Variants in RGS17 observed in about 807,000 individuals in gnomAD.
RGS17 encodes regulator of G-protein signaling 17.
RGS17 carries 12 observed loss-of-function variants against 25.5 expected under a neutral mutation model. The ratio of observed to expected loss-of-function variants is 0.47; its 90% CI spans 0.30 to 0.76. The LOEUF is 0.76. Among genes scored for constraint, RGS17 ranks in the 30% least tolerant of loss-of-function variants. RGS17 has a pLI of 0.07. For synonymous variants in RGS17, 71 were observed against 76.9 expected, an observed-to-expected ratio of 0.92 and a Z score of 0.40; for missense variants, 196 against 242.2, an observed-to-expected ratio of 0.81 and a Z score of 1.27.
chr6:153,074,128 T>C (rs1389712490), intron 1 of RGS17, among the ~76,000 whole-genome samples: 1 of 152,182 alleles, frequency 6.6e-6, no homozygotes, highest in Non-Finnish European at 1.5e-5. Context: ...TTTTCAGCGT[T>C]TAAAACATTC....
Position 153,010,902 on chromosome 6 carries a change from T to C in RGS17, c.*672A>G, listed in dbSNP as rs1779124794. The C allele has an allele frequency of 1.3e-5, 2 of 151,736 alleles. No homozygotes were observed. Among genetic ancestry groups the C allele is most frequent in the South Asian group, 4.2e-4 (2 of 4,806 alleles). The allele number at this position is 151,736 out of a possible 1,614,324, so 9.4% of individuals were successfully genotyped here. On this transcript the variant is annotated 3_prime_UTR_variant, in exon 5 of 5. Coordinates refer to ENST00000206262, the MANE Select transcript of RGS17 (RefSeq NM_012419.5). ...TCTTCCCTTTTTTTTTTTTTTTGTT[T>C]TTTGCTTTTAGCATAGTAAACTCTC... is the stretch of plus-strand genomic sequence containing the variant.
At position 153,011,429 on chromosome 6, in the gene RGS17, T is replaced by C. The variant is rs1779131547; in HGVS notation, c.*145A>G. 1.7e-6 allele frequency: 1 copy of C among 600,152 alleles called. No individual in the cohort carries two copies. The highest frequency in any genetic ancestry group is 2.9e-6 in the Non-Finnish European group (1 of 343,052). The allele number at this position is 600,152 out of a possible 1,614,324, so 37.2% of individuals were successfully genotyped here. A position where few individuals can be genotyped will look rare whatever the true frequency, so the allele number is the denominator to read the frequency against. On this transcript the variant is annotated 3_prime_UTR_variant, in exon 5 of 5. Coordinates refer to ENST00000206262, the MANE Select transcript of RGS17 (RefSeq NM_012419.5). Reference sequence around the variant, plus strand: ...TAACCATGGAAAACCTTGATAAAAATGGAGACAAAGACCATAACGGTTGTG... The same window carrying C: ...TAACCATGGAAAACCTTGATAAAAACGGAGACAAAGACCATAACGGTTGTG...
At chr6:153,103,628 G>A (rs1031259265) in intron 1 of RGS17, among the ~76,000 whole-genome samples, 14 of 152,322 alleles carry the variant, frequency 9.2e-5, no homozygotes, top group Admixed American at 5.2e-4. Flanking sequence ...GAGAGACCCC[G>A]AAAAACCAAA....
intron 1 of RGS17, among the ~76,000 whole-genome samples, chr6:153,120,568 C>T (rs930596938): frequency 2.6e-5 from 4 of 152,104 alleles, no homozygotes; most frequent in Non-Finnish European, 4.4e-5. Flanking sequence ...TTCCCTTGAC[C>T]GCCCCCCTGC....
At chr6:153,065,696 G>A (rs1033512491) in intron 1 of RGS17, among the ~76,000 whole-genome samples, 1 of 152,060 alleles carries the variant, frequency 6.6e-6, no homozygotes, top group Non-Finnish European at 1.5e-5. Context: ...GGTCAATGAA[G>A]AAATTAAGAA....
chr6:153,008,265 T>C lies in RGS17; in HGVS notation c.*3309A>G, dbSNP rs1353177248. ...CCTAGGCAGCATTAAAGGATACTAA[T>C]AAACATCCATGCACTAAGACGGCAT... On this transcript the variant is annotated 3_prime_UTR_variant, in exon 5 of 5. Coordinates refer to ENST00000206262, the MANE Select transcript of RGS17 (RefSeq NM_012419.5). The C allele has an allele frequency of 6.6e-6, 1 of 151,990 alleles. No individual in the cohort carries two copies. Among genetic ancestry groups the C allele is most frequent in the Non-Finnish European group, 1.5e-5 (1 of 68,006 alleles). The allele number at this position is 151,990 out of a possible 1,614,324, so 9.4% of individuals were successfully genotyped here. A position where few individuals can be genotyped will look rare whatever the true frequency, so the allele number is the denominator to read the frequency against.
chr6:153,016,522 CATT>C (rs1302484969), intron 4 of RGS17, among the ~76,000 whole-genome samples: 1 of 152,108 alleles, frequency 6.6e-6, no homozygotes, highest in Non-Finnish European at 1.5e-5. Context: ...TAGAAGGAAT[CATT>C]ATTATCTTAA....
At chr6:153,110,627 G>GA (rs570132982) in intron 1 of RGS17, among the ~76,000 whole-genome samples, 155 of 152,284 alleles carry the variant, frequency 1.0e-3, no homozygotes, top group African/African-American at 3.6e-3. Context: ...CTGCTATAAA[G>GA]AAATACCTGG....
intron 4 of RGS17, among the ~76,000 whole-genome samples, chr6:153,013,311 A>G (rs933998836): frequency 6.6e-6 from 1 of 152,248 alleles, no homozygotes; most frequent in Non-Finnish European, 1.5e-5. Context: ...AACCATGCCC[A>G]TATAAGACTT....
At chr6:153,052,420 T>G (rs1445474901) in intron 1 of RGS17, among the ~76,000 whole-genome samples, 4 of 152,126 alleles carry the variant, frequency 2.6e-5, no homozygotes, top group African/African-American at 9.7e-5. Flanking sequence ...GGGATATCTA[T>G]TCTACATCTG....
intron 1 of RGS17, among the ~76,000 whole-genome samples, chr6:153,100,263 AT>A (rs1336424724): frequency 1.3e-5 from 2 of 152,300 alleles, no homozygotes; most frequent in South Asian, 2.1e-4. Context: ...TACATCATAT[AT>A]TTTTTGTAAG....
intron 1 of RGS17, among the ~76,000 whole-genome samples, chr6:153,068,008 C>G (rs1373967753): frequency 1.3e-5 from 2 of 152,114 alleles, no homozygotes; most frequent in Non-Finnish European, 2.9e-5. Context: ...AATCAACACA[C>G]CTACAATGAA....
intron 1 of RGS17, among the ~76,000 whole-genome samples, chr6:153,106,520 T>C (rs567445341): frequency 1.4e-4 from 21 of 151,898 alleles, no homozygotes; most frequent in Non-Finnish European, 2.5e-4. Flanking sequence ...AGGACTTTTT[T>C]TTTTTCAGGA....
chr6:153,065,081 T>A (rs1776688588), intron 1 of RGS17, among the ~76,000 whole-genome samples: 1 of 151,984 alleles, frequency 6.6e-6, no homozygotes. Context: ...AAGACACACA[T>A]AGACTTAAAA....
At chr6:153,037,544 G>C (rs572753363) in intron 2 of RGS17, among the ~76,000 whole-genome samples, 1 of 151,162 alleles carries the variant, frequency 6.6e-6, no homozygotes, top group African/African-American at 2.4e-5. Context: ...TCCTGCCTCC[G>C]CCTCCTGAGT....
intron 1 of RGS17, among the ~76,000 whole-genome samples, chr6:153,072,879 A>G (rs560745785): frequency 6.6e-6 from 1 of 152,336 alleles, no homozygotes; most frequent in Admixed American, 6.5e-5. Context: ...TATCACACAC[A>G]TAAACTTACA....
chr6:153,013,572 G>A (rs935532094), intron 4 of RGS17, among the ~76,000 whole-genome samples: 3 of 152,244 alleles, frequency 2.0e-5, no homozygotes, highest in Non-Finnish European at 4.4e-5. Context: ...GTCGAAAGCT[G>A]AGACTGGTCA....
At chr6:153,059,670 G>A (rs568880582) in intron 1 of RGS17, among the ~76,000 whole-genome samples, 3 of 152,270 alleles carry the variant, frequency 2.0e-5, no homozygotes, top group East Asian at 3.9e-4. Context: ...CAAGTGAAAA[G>A]CACTTGATAA....
intron 1 of RGS17, among the ~76,000 whole-genome samples, chr6:153,063,640 G>C (rs1776667562): frequency 6.6e-6 from 1 of 152,112 alleles, no homozygotes; most frequent in Non-Finnish European, 1.5e-5. Context: ...TTAGAGAGAA[G>C]GTAGAGAAAG....
Sources: allele counts gnomAD v4.1 joint callset (sites outside exome capture counted in the v4.1 genomes callset), GRCh38; gene constraint gnomAD v4.1.1; transcripts MANE v1.5; gene names NCBI Gene and HGNC (gene_info 2026-07-23, HGNC 2026-07-21).